Variants in ARHGAP32 observed in about 807,000 individuals in gnomAD.
The protein encoded by ARHGAP32 is Rho GTPase activating protein 32, also known as rho GTPase-activating protein 32.
Under a neutral mutation model 186.5 loss-of-function variants are expected in ARHGAP32, and 51 were observed. That is an observed-to-expected ratio of 0.27 (90% CI 0.22 to 0.35). The LOEUF (loss-of-function observed/expected upper bound fraction) is 0.35. Ranked by LOEUF, ARHGAP32 falls within the 10% of genes least tolerant of loss-of-function variation. The probability of loss-of-function intolerance (pLI) is 1.00; values close to 1 mark genes in which losing one functional copy is unlikely to be tolerated. For synonymous variants in ARHGAP32, 950 were observed against 964.3 expected, an observed-to-expected ratio of 0.99 and a Z score of 0.27; for missense variants, 2,186 against 2,623.5, an observed-to-expected ratio of 0.83 and a Z score of 3.64.
chr11:129,182,690 C>A (rs1197096919), intron 1 of ARHGAP32, among the ~76,000 whole-genome samples: 1 of 150,698 alleles, frequency 6.6e-6, no homozygotes, highest in Non-Finnish European at 1.5e-5. Flanking sequence ...ATTTCCAGGG[C>A]TGGAGGGCGG....
intron 5 of ARHGAP32, among the ~76,000 whole-genome samples, chr11:129,121,752 T>C (rs1942536669): frequency 1.3e-5 from 2 of 152,114 alleles, no homozygotes; most frequent in South Asian, 2.1e-4. Context: ...TGGTGTGTAA[T>C]CTAAAATGAA....
chr11:128,974,348 G>A lies in ARHGAP32; in HGVS notation c.2849C>T (p.Ser950Phe), dbSNP rs772282177. Residue 950 changes from serine to phenylalanine, a missense_variant, in exon 21 of 23, where the codon TCT (serine) becomes TTT (phenylalanine). Physicochemically the swap from Ser to Phe is radical, Grantham distance 155. Around this residue, in one of 5 missense-constraint regions of ARHGAP32, gnomAD observed 1,502 missense variants for 1,570.0 expected, o/e 0.96. Coordinates refer to ENST00000682385, the MANE Select transcript of ARHGAP32 (RefSeq NM_001378024.1). Reference protein sequence around the residue: ...VSNTTAQNASSSTWDKCVEER... With the variant: ...VSNTTAQNASFSTWDKCVEER... Reference sequence around the variant, plus strand: ...TTCAACGCATTTGTCCCAGGTTGAAGATGATGCATTCTGAGCTGTGGTATT... The same window carrying A: ...TTCAACGCATTTGTCCCAGGTTGAAAATGATGCATTCTGAGCTGTGGTATT... The A allele has an allele frequency of 5.6e-6, 9 of 1,614,106 alleles. No individual in the cohort carries two copies. The South Asian group carries it at 6.6e-5, about 12-fold the overall frequency.
At chr11:129,124,957 A>T (rs1449064832) in intron 2 of ARHGAP32, 63 bp from the exon 3 acceptor site, 1 of 1,300,238 alleles carries the variant, frequency 7.7e-7, no homozygotes, top group African/African-American at 1.5e-5. Context: ...TTTAAAAAGC[A>T]GGTTATAATT....
chr11:129,189,757 CAACT>C (rs1565462599), intron 1 of ARHGAP32, among the ~76,000 whole-genome samples: 1 of 152,088 alleles, frequency 6.6e-6, no homozygotes, highest in Admixed American at 6.5e-5. Context: ...TCCTTTCCTC[CAACT>C]GAGTCCAAAA....
rs1192800376 is a variant in ARHGAP32 at position 128,978,803 on chromosome 11, C to T, written c.2089G>A (p.Glu697Lys). Reference protein sequence around the residue: ...SKRKLQRNESEPSEMKAMALK... With the variant: ...SKRKLQRNESKPSEMKAMALK... ...GCCATGGCTTTCATCTCTGAAGGCTCACTCTCATTCCGCTGCAGCTTTCGT... is the reference window on the plus strand; with the variant it reads ...GCCATGGCTTTCATCTCTGAAGGCTTACTCTCATTCCGCTGCAGCTTTCGT... The change falls in exon 19 of 23, where the codon GAG (glutamate) becomes AAG (lysine). Residue 697 changes from glutamate to lysine, a missense_variant. By Grantham distance (56) the Glu-to-Lys change is moderately conservative. Coordinates refer to ENST00000682385, the MANE Select transcript of ARHGAP32 (RefSeq NM_001378024.1). 6.2e-7 allele frequency: 1 copy of T among 1,612,540 alleles called. No individual in the cohort carries two copies. The highest frequency in any genetic ancestry group is 1.1e-5 in the South Asian group (1 of 90,842).
intron 10 of ARHGAP32, among the ~76,000 whole-genome samples, chr11:129,056,740 G>A (rs986554692): frequency 2.6e-5 from 4 of 152,062 alleles, no homozygotes; most frequent in Non-Finnish European, 5.9e-5. Context: ...TGAACACATC[G>A]AGCTGAGCAG....
intron 11 of ARHGAP32, among the ~76,000 whole-genome samples, chr11:129,025,950 G>T (rs1009657916): frequency 6.6e-6 from 1 of 150,382 alleles, no homozygotes; most frequent in African/African-American, 2.4e-5. Flanking sequence ...AGTAATATAT[G>T]TTATATATTA....
At chr11:129,242,406 C>T (rs1945030524) in intron 1 of ARHGAP32, among the ~76,000 whole-genome samples, 1 of 152,066 alleles carries the variant, frequency 6.6e-6, no homozygotes, top group Non-Finnish European at 1.5e-5. Context: ...TCTAAAATTA[C>T]TACCTACAAA....
intron 2 of ARHGAP32, 70 bp from the exon 3 acceptor site, chr11:129,124,964 A>C: frequency 8.7e-7 from 1 of 1,151,404 alleles, no homozygotes; most frequent in Non-Finnish European, 1.2e-6. Flanking sequence ...AGCAGGTTAT[A>C]ATTTATGTTA....
At chr11:129,218,405 G>A (rs992439056) in intron 1 of ARHGAP32, among the ~76,000 whole-genome samples, 1 of 151,526 alleles carries the variant, frequency 6.6e-6, no homozygotes, top group Non-Finnish European at 1.5e-5. Flanking sequence ...TAGAGAGATG[G>A]TTCCCTACAC....
chr11:129,133,270 T>C (rs1011177631), intron 2 of ARHGAP32, among the ~76,000 whole-genome samples: 7 of 152,162 alleles, frequency 4.6e-5, no homozygotes, highest in African/African-American at 1.4e-4. Flanking sequence ...GACCTATAGA[T>C]AGCTAACGGA....
chr11:129,221,513 GTGTGTGTGTGTGTGTGTGTGTT>G (rs1373705877), intron 1 of ARHGAP32, among the ~76,000 whole-genome samples: 7 of 144,360 alleles, frequency 4.8e-5, no homozygotes, highest in South Asian at 4.5e-4. Flanking sequence ...GTGTGTGTGT[GTGTGTGTGTGTGTGTGTGTGTT>G]TATGGTAAAA....
At chr11:129,235,899 A>AC (rs1205823210) in intron 1 of ARHGAP32, among the ~76,000 whole-genome samples, 2 of 99,188 alleles carry the variant, frequency 2.0e-5, no homozygotes, top group East Asian at 3.1e-4. Context: ...TGTCATTCAT[A>AC]AACACACACA....
intron 1 of ARHGAP32, among the ~76,000 whole-genome samples, chr11:129,179,991 A>G (rs1170214320): frequency 6.6e-6 from 1 of 152,170 alleles, no homozygotes; most frequent in Non-Finnish European, 1.5e-5. Flanking sequence ...ATTTGAAGAC[A>G]TAACATGTAA....
At chr11:129,052,590 T>C (rs1002652261) in intron 10 of ARHGAP32, among the ~76,000 whole-genome samples, 1 of 152,004 alleles carries the variant, frequency 6.6e-6, no homozygotes, top group Non-Finnish European at 1.5e-5. Flanking sequence ...GTTTTCAGTA[T>C]ATAGCTCTTT....
intron 2 of ARHGAP32, among the ~76,000 whole-genome samples, chr11:129,150,257 T>G (rs1943260752): frequency 6.6e-6 from 1 of 152,090 alleles, no homozygotes; most frequent in South Asian, 2.1e-4. Flanking sequence ...TAGGGTTAAT[T>G]GAGGAAAACT....
chr11:129,238,844 AT>A (rs66844087), intron 1 of ARHGAP32, among the ~76,000 whole-genome samples: 30,449 of 151,344 alleles, frequency 0.2, 3,217 homozygotes, highest in East Asian at 0.24. Flanking sequence ...CACAATAATA[AT>A]TTTTTTTGAA....
chr11:129,098,369 TAAAAG>T (rs1941791878), intron 5 of ARHGAP32, among the ~76,000 whole-genome samples: 1 of 152,160 alleles, frequency 6.6e-6, no homozygotes, highest in Non-Finnish European at 1.5e-5. Context: ...GACTAATACT[TAAAAG>T]AAAATTATTA....
chr11:129,003,512 T>TG (rs1339527667), intron 11 of ARHGAP32, among the ~76,000 whole-genome samples: 1 of 152,216 alleles, frequency 6.6e-6, no homozygotes, highest in East Asian at 1.9e-4. Flanking sequence ...CATTGAGTCC[T>TG]GGGCTTTTCT....
Sources: allele counts gnomAD v4.1 joint callset (sites outside exome capture counted in the v4.1 genomes callset), GRCh38; gene constraint gnomAD v4.1.1; regional missense constraint gnomAD v4.1.1; transcripts MANE v1.5; gene names NCBI Gene and HGNC (gene_info 2026-07-23, HGNC 2026-07-21).